The following EYS variants were observed in gnomAD, a reference collection of about 807,000 sequenced individuals.
EYS encodes protein eyes shut homolog.
EYS carries 250 observed loss-of-function variants against 282.1 expected under a neutral mutation model. That is an observed-to-expected ratio of 0.89 (90% CI 0.80 to 0.98). EYS has a LOEUF of 0.98. EYS is among the 50% of genes least tolerant of loss of function. The pLI is 0.00. For missense variants in EYS, 4,016 were observed against 3,709.0 expected (o/e 1.08, Z -2.15); for synonymous variants, 1,355 against 1,282.9 (o/e 1.06, Z -1.20).
At position 65,566,968 on chromosome 6, in the gene EYS, A is replaced by T. The variant is rs556548091; in HGVS notation, c.-332-70975T>A. Among the ~76,000 whole-genome samples, 9 of 152,194 alleles carry T rather than the reference A, an allele frequency of 5.9e-5. No individual in the cohort carries two copies. The East Asian group carries it at 1.7e-3, about 29-fold the overall frequency. On this transcript the variant is annotated intron_variant, in intron 2 of 42. Transcript: ENST00000503581. ...TCATGATTTTAATATGTCCCCCCAG[A>T]TTTCATGTGTTGGAAACTTACTCCC...
At chr6:65,202,621 G>A (rs575305135) in intron 12 of EYS, among the ~76,000 whole-genome samples, 2 of 152,136 alleles carry the variant, frequency 1.3e-5, no homozygotes, top group African/African-American at 4.8e-5. Flanking sequence ...ATAGAGAAAG[G>A]TATGGTGATG....
At chr6:64,838,664 C>A (rs1765464900) in intron 19 of EYS, among the ~76,000 whole-genome samples, 1 of 148,806 alleles carries the variant, frequency 6.7e-6, no homozygotes, top group South Asian at 2.1e-4. Context: ...ACACACAGAG[C>A]TGTTATTTGA....
intron 35 of EYS, among the ~76,000 whole-genome samples, chr6:63,907,585 C>T (rs961359050): frequency 2.6e-5 from 4 of 152,122 alleles, no homozygotes; most frequent in Admixed American, 6.5e-5. Context: ...TTTAAACTAT[C>T]TCCTCTTAGC....
chr6:65,113,974 A>C (rs1467451310), intron 12 of EYS, among the ~76,000 whole-genome samples: 1 of 152,060 alleles, frequency 6.6e-6, no homozygotes, highest in Non-Finnish European at 1.5e-5. Flanking sequence ...CGATGGCACT[A>C]AGAAATCAGC....
intron 37 of EYS, chr6:63,797,519 CT>C (rs1235885802): frequency 6.6e-6 from 1 of 152,170 alleles, no homozygotes; most frequent in Admixed American, 6.6e-5. Flanking sequence ...TGGATTAACT[CT>C]TAAAGAGCAT....
chr6:64,249,196 G>A (rs190055267), intron 30 of EYS, among the ~76,000 whole-genome samples: 2 of 151,732 alleles, frequency 1.3e-5, no homozygotes, highest in Admixed American at 1.3e-4. Context: ...AGTATATATA[G>A]CCATAAAGAA....
intron 14 of EYS, among the ~76,000 whole-genome samples, chr6:64,989,394 A>AATATATATATATATATATAT (rs60684321): frequency 0.018 from 1,244 of 69,694 alleles, 225 homozygotes; most frequent in African/African-American, 0.04. Flanking sequence ...GGCTAGCTGT[A>AATATATATATATATATATAT]ATATATATAT....
intron 15 of EYS, among the ~76,000 whole-genome samples, chr6:64,925,135 T>A (rs1164292949): frequency 1.3e-5 from 2 of 152,174 alleles, no homozygotes; most frequent in Admixed American, 1.3e-4. Context: ...GAAAGAATCA[T>A]GGTGGGAGAT....
At chr6:65,440,007 A>C (rs1004386873) in intron 5 of EYS, among the ~76,000 whole-genome samples, 4 of 152,094 alleles carry the variant, frequency 2.6e-5, no homozygotes, top group Admixed American at 6.6e-5. Context: ...GAGGTGTTTC[A>C]GACAAATAAA....
At chr6:65,043,026 G>A (rs1298844168) in intron 13 of EYS, among the ~76,000 whole-genome samples, 3 of 151,410 alleles carry the variant, frequency 2.0e-5, no homozygotes, top group Admixed American at 6.6e-5. Context: ...CTATAGGACC[G>A]GGATGGCCTG....
intron 31 of EYS, among the ~76,000 whole-genome samples, chr6:64,118,980 A>T (rs1431426353): frequency 1.3e-5 from 2 of 152,204 alleles, no homozygotes; most frequent in Non-Finnish European, 2.9e-5. Flanking sequence ...AATGCAAATT[A>T]AAATCACAAT....
chr6:64,488,734 C>A (rs1776647335), intron 26 of EYS, among the ~76,000 whole-genome samples: 1 of 150,940 alleles, frequency 6.6e-6, no homozygotes, highest in Admixed American at 6.6e-5. Flanking sequence ...GTAGCAGAGG[C>A]AACATGTAGA....
At chr6:63,913,704 A>G (rs1284495626) in intron 35 of EYS, among the ~76,000 whole-genome samples, 2 of 152,228 alleles carry the variant, frequency 1.3e-5, no homozygotes, top group African/African-American at 2.4e-5. Context: ...GTATGTATAT[A>G]CCACATTTTG....
chr6:64,692,829 T>C (rs954761540), intron 22 of EYS, among the ~76,000 whole-genome samples: 1 of 152,064 alleles, frequency 6.6e-6, no homozygotes, highest in Non-Finnish European at 1.5e-5. Flanking sequence ...CTGAGTTTTC[T>C]ATTCTTTTCT....
At chr6:64,313,838 A>G (rs1769825913) in intron 29 of EYS, among the ~76,000 whole-genome samples, 1 of 152,154 alleles carries the variant, frequency 6.6e-6, no homozygotes, top group African/African-American at 2.4e-5. Flanking sequence ...GTCACCACCA[A>G]GCTTGCCACA....
intron 32 of EYS, among the ~76,000 whole-genome samples, chr6:64,081,287 GAAGA>G (rs1398090822): frequency 1.3e-5 from 2 of 152,128 alleles, no homozygotes. Flanking sequence ...TTCATTCACA[GAAGA>G]AAGAAGCCCA....
chr6:63,788,313 A>G (rs1421143106), intron 38 of EYS, 64 bp from the exon 39 acceptor site: 3 of 1,304,438 alleles, frequency 2.3e-6, no homozygotes, highest in Non-Finnish European at 3.1e-6. Flanking sequence ...ATGTTAAGAT[A>G]CTCTTTTGTT....
At chr6:64,596,098 A>G (rs1766578204) in intron 24 of EYS, among the ~76,000 whole-genome samples, 1 of 152,012 alleles carries the variant, frequency 6.6e-6, no homozygotes, top group South Asian at 2.1e-4. Flanking sequence ...TGGGTAGGGG[A>G]CACACACTTT....
intron 30 of EYS, among the ~76,000 whole-genome samples, chr6:64,268,858 C>T (rs1487336250): frequency 1.3e-5 from 2 of 152,140 alleles, no homozygotes; most frequent in Non-Finnish European, 2.9e-5. Flanking sequence ...TTTAGCTCTT[C>T]TTTCTCTTTG....
Sources: allele counts gnomAD v4.1 joint callset (sites outside exome capture counted in the v4.1 genomes callset), GRCh38; gene constraint gnomAD v4.1.1; transcripts MANE v1.5; gene names NCBI Gene and HGNC (gene_info 2026-07-23, HGNC 2026-07-21).